The following SQOR variants were observed in gnomAD, a reference collection of about 807,000 sequenced individuals.
SQOR encodes sulfide quinone oxidoreductase, also known as sulfide:quinone oxidoreductase, mitochondrial.
SQOR carries 39 observed loss-of-function variants against 48.6 expected under a neutral mutation model. That is an observed-to-expected ratio of 0.80 (90% CI 0.62 to 1.05). The LOEUF is 1.05. Ranked by LOEUF, SQOR falls within the 50% of genes least tolerant of loss-of-function variation. The pLI, the probability that SQOR is intolerant of heterozygous loss-of-function variation, is 0.00. For missense variants in SQOR, 561 were observed against 559.9 expected (o/e 1.00, Z -0.02); for synonymous variants, 220 against 206.2 (o/e 1.07, Z -0.57).
At chr15:45,679,369 C>T (rs1236448060) in intron 6 of SQOR, among the ~76,000 whole-genome samples, 1 of 151,950 alleles carries the variant, frequency 6.6e-6, no homozygotes, top group Non-Finnish European at 1.5e-5. Context: ...TTCAAAAATT[C>T]CCCTAATGAC....
chr15:45,631,319 G>A (rs1398949851), upstream of SQOR: 1 of 152,666 alleles, frequency 6.6e-6, no homozygotes, highest in African/African-American at 2.4e-5. Context: ...CTGTTCATCT[G>A]CCTATCTGGT....
At position 45,673,641 on chromosome 15, in the gene SQOR, A is replaced by C. The variant is rs1030478996; in HGVS notation, c.494A>C (p.Lys165Thr). 6.2e-7 allele frequency: 1 copy of C among 1,614,184 alleles called. No individual in the cohort carries two copies. Among genetic ancestry groups the C allele is most frequent in the African/African-American group, 1.3e-5 (1 of 75,052 alleles). Residue 165 changes from lysine (K) to threonine (T), a missense_variant, in exon 5 of 10, where the codon AAA becomes ACA. Lys to Thr is a moderately conservative substitution (Grantham distance 78). Transcript: ENST00000260324. ...CTACCTGAAGGTTTCGCTCATCCCA[A>C]AATAGGGTCGAATTATTCAGTTAAG... ...KGLPEGFAHP[K>T]IGSNYSVKTV...
intron 1 of SQOR, among the ~76,000 whole-genome samples, chr15:45,653,081 G>A (rs1889525292): frequency 6.6e-6 from 1 of 152,170 alleles, no homozygotes; most frequent in South Asian, 2.1e-4. Context: ...CCTAAGTGAT[G>A]TTTTCTGATG....
chr15:45,674,925 G>T (rs1890008755), intron 5 of SQOR, among the ~76,000 whole-genome samples: 1 of 152,204 alleles, frequency 6.6e-6, no homozygotes, highest in African/African-American at 2.4e-5. Context: ...GGAAGAACGG[G>T]CTGGGGAGTG....
chr15:45,690,499 T>C (rs997202199), intron 9 of SQOR, among the ~76,000 whole-genome samples: 1 of 152,206 alleles, frequency 6.6e-6, no homozygotes, highest in Admixed American at 6.5e-5. Flanking sequence ...CAGGGACATT[T>C]GATAATTTCT....
At position 45,650,141 on chromosome 15, in the gene SQOR, C is replaced by CT. The variant is rs150218133; in HGVS notation, c.-17-8758dup. The stretch of plus-strand genomic sequence containing the variant: ...TACAGGCACGAGCCACTGTGCCTGA[C>CT]TTTTTTTTAAGCCTTTGCAATGTGG... On this transcript the variant is annotated intron_variant, in intron 1 of 9. Coordinates refer to ENST00000260324, the MANE Select transcript of SQOR (RefSeq NM_021199.4). Among the ~76,000 whole-genome samples the CT allele has an allele frequency of 5.8e-3, 883 of 152,090 alleles. 37 individuals carry two copies. The South Asian group carries it at 0.084, about 14-fold the overall frequency.
chr15:45,674,746 G>C (rs1325351494), intron 5 of SQOR, among the ~76,000 whole-genome samples: 1 of 152,232 alleles, frequency 6.6e-6, no homozygotes, highest in Non-Finnish European at 1.5e-5. Context: ...AAGAGCAGTT[G>C]TCTGCAGCTC....
intron 1 of SQOR, among the ~76,000 whole-genome samples, chr15:45,653,176 A>G (rs570115843): frequency 5.9e-4 from 90 of 152,328 alleles, no homozygotes; most frequent in African/African-American, 2.0e-3. Context: ...CAATTGTGGC[A>G]TTAGCTCCCG....
At chr15:45,661,085 C>T (rs969266204) in intron 2 of SQOR, among the ~76,000 whole-genome samples, 3 of 151,878 alleles carry the variant, frequency 2.0e-5, no homozygotes, top group Non-Finnish European at 4.4e-5. Context: ...AGTTCAAGAC[C>T]AACCTAGGCA....
chr15:45,644,078 C>T (rs1162168841), intron 1 of SQOR, among the ~76,000 whole-genome samples: 1 of 151,966 alleles, frequency 6.6e-6, no homozygotes, highest in Non-Finnish European at 1.5e-5. Context: ...GGCATAGAGA[C>T]GGCGTATTTT....
chr15:45,633,711 A>AAAG (rs1222025339), upstream of SQOR, among the ~76,000 whole-genome samples: 15 of 150,780 alleles, frequency 9.9e-5, no homozygotes, highest in African/African-American at 3.7e-4. Context: ...AAAAAAAAAA[A>AAAG]AAGAAGAAGA....
chr15:45,654,888 T>C (rs2140945087), intron 1 of SQOR, among the ~76,000 whole-genome samples: 1 of 152,234 alleles, frequency 6.6e-6, no homozygotes, highest in South Asian at 2.1e-4. Context: ...ACATAGTGCA[T>C]CAGGAAGGCT....
chr15:45,674,466 G>A (rs1890001196), intron 5 of SQOR, among the ~76,000 whole-genome samples: 1 of 151,744 alleles, frequency 6.6e-6, no homozygotes, highest in Non-Finnish European at 1.5e-5. Context: ...GTCTACTGGA[G>A]AGATATGTTA....
rs1468279231 is a variant in SQOR, at chr15:45,691,197, G to T, written c.*167G>T. 2 of 641,788 alleles carry T rather than the reference G, an allele frequency of 3.1e-6. No homozygotes were observed. 39.8% of individuals were successfully genotyped at this position (641,788 alleles called of 1,614,324 possible). A position where few individuals can be genotyped will look rare whatever the true frequency, so the allele number is the denominator to read the frequency against. On this transcript the variant is annotated 3_prime_UTR_variant, in exon 10 of 10. Coordinates refer to ENST00000260324, the MANE Select transcript of SQOR (RefSeq NM_021199.4). The stretch of plus-strand genomic sequence containing the variant: ...TTCAGTACCTTTGAACAGCAACCAT[G>T]TGGGCTACTCATGATGGGCTTGATT...
At chr15:45,670,072 A>C in intron 4 of SQOR, 91 bp downstream of exon 4, 1 of 1,204,496 alleles carries the variant, frequency 8.3e-7, no homozygotes, top group Non-Finnish European at 1.2e-6. Flanking sequence ...TCATTTTGAC[A>C]AGAAAGGGGT....
chr15:45,688,167 G>T (rs1890254681), intron 7 of SQOR, among the ~76,000 whole-genome samples, 170 bp from the exon 8 acceptor site: 1 of 152,162 alleles, frequency 6.6e-6, no homozygotes. Flanking sequence ...ATGAATTAAA[G>T]AACCCCCTCC....
At chr15:45,684,926 T>G (rs1890194817) in intron 7 of SQOR, among the ~76,000 whole-genome samples, 1 of 152,210 alleles carries the variant, frequency 6.6e-6, no homozygotes, top group Non-Finnish European at 1.5e-5. Context: ...CCATTGTTTT[T>G]ACATTTGTGT....
chr15:45,688,858 G>GT (rs1890269660), intron 8 of SQOR, among the ~76,000 whole-genome samples, 181 bp from the exon 9 acceptor site: 2 of 151,752 alleles, frequency 1.3e-5, no homozygotes, highest in South Asian at 4.2e-4. Context: ...GGGCATTTCT[G>GT]TTTTTGCCAT....
At chr15:45,666,880 CTTTCT>C (rs1306474635) in intron 3 of SQOR, among the ~76,000 whole-genome samples, 4 of 40,558 alleles carry the variant, frequency 9.9e-5, no homozygotes, top group Non-Finnish European at 1.5e-4. Context: ...CCCTCCCCTC[CTTTCT>C]CCTCCTCTCC....
Sources: gnomAD v4.1 joint callset for allele counts (sites outside exome capture counted in the v4.1 genomes callset) on GRCh38, gnomAD v4.1.1 for gene constraint, MANE v1.5 for transcripts, NCBI Gene and HGNC (gene_info 2026-07-23, HGNC 2026-07-21) for gene names.